Variants in DSCAML1 observed in about 807,000 individuals in gnomAD.
The protein encoded by DSCAML1 is DS cell adhesion molecule like 1.
DSCAML1 carries 38 observed loss-of-function variants against 200.5 expected under a neutral mutation model. The ratio of observed to expected loss-of-function variants is 0.19; its 90% CI spans 0.15 to 0.25. The LOEUF (loss-of-function observed/expected upper bound fraction) is 0.25. Among genes scored for constraint, DSCAML1 ranks in the 10% least tolerant of loss-of-function variants. The pLI is 1.00. For synonymous variants in DSCAML1, 1,215 were observed against 1,165.0 expected (o/e 1.04, Z -0.87); for missense variants, 2,223 against 2,858.8 (o/e 0.78, Z 5.07).
intron 3 of DSCAML1, among the ~76,000 whole-genome samples, chr11:117,645,086 G>GC (rs1330347509): frequency 6.6e-6 from 1 of 152,220 alleles, no homozygotes; most frequent in East Asian, 1.9e-4. Flanking sequence ...GCTTGAGAGA[G>GC]CCCCCACAGT....
At position 117,437,666 on chromosome 11, in the gene DSCAML1, G is replaced by A. The variant is rs573955470; in HGVS notation, c.4432+229C>T. ...GGAAGGGAGCTGGGAAGAGGCAAAGGAATGCCACCTTCGGCCACCCGGTGG... is the reference window on the plus strand; with the variant it reads ...GGAAGGGAGCTGGGAAGAGGCAAAGAAATGCCACCTTCGGCCACCCGGTGG... On this transcript the variant is annotated intron_variant, in intron 25 of 32. Coordinates refer to ENST00000651296, the MANE Select transcript of DSCAML1 (RefSeq NM_020693.4). This position sits in a 1 kb window ranked among gnomAD's most constrained non-coding sequence, Gnocchi z 5.3. Among the ~76,000 whole-genome samples the A allele has an allele frequency of 6.6e-6, 1 of 152,276 alleles. No homozygotes were observed.
chr11:117,811,037 T>G (rs1244725435), intron 1 of DSCAML1, among the ~76,000 whole-genome samples: 1 of 152,046 alleles, frequency 6.6e-6, no homozygotes, highest in Non-Finnish European at 1.5e-5. Flanking sequence ...TTTTATCGCC[T>G]CTCCTCCTCA....
rs1322469956 is a variant in DSCAML1 at position 117,431,640 on chromosome 11, G to A, written c.5268C>T (p.Ser1756=). 3.1e-6 allele frequency: 5 copies of A among 1,613,448 alleles called. No homozygotes were observed. The highest frequency in any genetic ancestry group is 3.3e-5 in the Admixed American group (2 of 59,970). ...CGGAGGTGAGGGTGCGGGCAGGTGT[G>A]GAGGCCTGGCACTTGGTCAGGGTCC... ...SQWTLTKCQA[S]TPARTLTSDW... The change falls in exon 31 of 33, where the codon TCC becomes TCT. Residue 1756 remains serine (S), a synonymous_variant. Transcript: ENST00000651296.
chr11:117,782,907 C>T (rs1565283032), intron 1 of DSCAML1, among the ~76,000 whole-genome samples: 1 of 151,938 alleles, frequency 6.6e-6, no homozygotes, highest in Non-Finnish European at 1.5e-5. Flanking sequence ...TTACCCAAGA[C>T]CACAAAACCA....
At position 117,489,575 on chromosome 11, in the gene DSCAML1, G is replaced by T. The variant is rs1478904396; in HGVS notation, c.2360-7413C>A. Among the ~76,000 whole-genome samples the T allele has an allele frequency of 6.6e-6, 1 of 152,156 alleles. No individual in the cohort carries two copies. The highest frequency in any genetic ancestry group is 2.4e-5 in the African/African-American group (1 of 41,430). ...TTCCTATACAGCAGCTTTAGGTGGG[G>T]TAGGGTCTTCTCTCTGAGACCCTGG... On this transcript the variant is annotated intron_variant, in intron 11 of 32. Transcript: ENST00000651296. This position sits in a 1 kb window ranked among gnomAD's most constrained non-coding sequence, Gnocchi z 4.8.
chr11:117,774,456 C>A (rs2055094916), intron 3 of DSCAML1, among the ~76,000 whole-genome samples: 1 of 152,180 alleles, frequency 6.6e-6, no homozygotes, highest in African/African-American at 2.4e-5. Context: ...TATATTGATT[C>A]ATTTCATTCT....
intron 4 of DSCAML1, among the ~76,000 whole-genome samples, chr11:117,530,916 A>G (rs1326502813): frequency 3.9e-5 from 6 of 152,128 alleles, no homozygotes; most frequent in Non-Finnish European, 8.8e-5. Context: ...CTCCAATCTC[A>G]AGACAGAGAT....
chr11:117,574,197 G>T (rs1314770997), intron 3 of DSCAML1, among the ~76,000 whole-genome samples: 2 of 152,206 alleles, frequency 1.3e-5, no homozygotes, highest in African/African-American at 2.4e-5. Context: ...GAACAAATGG[G>T]TGCCACATTT....
chr11:117,537,938 T>C (rs1164868462), intron 3 of DSCAML1, among the ~76,000 whole-genome samples: 1 of 152,164 alleles, frequency 6.6e-6, no homozygotes, highest in Non-Finnish European at 1.5e-5. Context: ...CAGTTTGCAG[T>C]GATTTCTCAT....
intron 1 of DSCAML1, among the ~76,000 whole-genome samples, chr11:117,795,526 G>T (rs1423359046): frequency 6.6e-6 from 1 of 152,012 alleles, no homozygotes. Context: ...CGATGCGGGG[G>T]GCAAGGGGTT....
In DSCAML1 at chr11:117,794,864, C is replaced by T. The variant is rs191070766; in HGVS notation, c.46+2170G>A. 6.5e-3 allele frequency among the ~76,000 whole-genome samples: 990 copies of T among 152,248 alleles called. 5 individuals are homozygous for T. The highest frequency in any genetic ancestry group is 1.0e-2 in the Non-Finnish European group (680 of 68,028). On this transcript the variant is annotated intron_variant, in intron 1 of 32. Transcript: ENST00000651296. ...AAGCCTGTCTGGCGAGGCACCCTGG[C>T]GCCCAACAGACAGACGCTGGAGCCT... is the stretch of plus-strand genomic sequence containing the variant.
intron 3 of DSCAML1, among the ~76,000 whole-genome samples, chr11:117,595,249 G>A (rs980168716): frequency 2.0e-5 from 3 of 152,124 alleles, no homozygotes; most frequent in Admixed American, 1.3e-4. Context: ...CACTGTCTCT[G>A]GGGGGCTTTT....
intron 4 of DSCAML1, among the ~76,000 whole-genome samples, chr11:117,531,840 C>T (rs1464430446): frequency 6.6e-6 from 1 of 151,062 alleles, no homozygotes; most frequent in Non-Finnish European, 1.5e-5. Context: ...TAGCCAAGAT[C>T]ATGCCATTGC....
chr11:117,606,009 G>A (rs932186807), intron 3 of DSCAML1, among the ~76,000 whole-genome samples: 3 of 152,120 alleles, frequency 2.0e-5, no homozygotes, highest in African/African-American at 7.2e-5. Context: ...CCTTTCCACT[G>A]TCTACTCTCA....
chr11:117,535,909 G>A (rs1377391167), intron 3 of DSCAML1, among the ~76,000 whole-genome samples: 1 of 108,354 alleles, frequency 9.2e-6, no homozygotes, highest in African/African-American at 3.6e-5. Context: ...GGTGGGGGGT[G>A]GGGGGCTGAT....
intron 3 of DSCAML1, among the ~76,000 whole-genome samples, chr11:117,622,605 A>AG: frequency 6.6e-6 from 1 of 152,152 alleles, no homozygotes; most frequent in Non-Finnish European, 1.5e-5. Context: ...TCCTGGAGGA[A>AG]GGGGGCTGTT....
At chr11:117,664,242 C>T (rs1001862021) in intron 3 of DSCAML1, among the ~76,000 whole-genome samples, 3 of 152,240 alleles carry the variant, frequency 2.0e-5, no homozygotes, top group Non-Finnish European at 2.9e-5. Context: ...GGCGAGGGGC[C>T]GTGGTAGGCA....
chr11:117,587,547 C>T (rs966478115), intron 3 of DSCAML1, among the ~76,000 whole-genome samples: 5 of 152,112 alleles, frequency 3.3e-5, no homozygotes, highest in Non-Finnish European at 7.4e-5. Flanking sequence ...ACTCCAGACG[C>T]GGGGACTGCC....
intron 3 of DSCAML1, among the ~76,000 whole-genome samples, chr11:117,744,035 G>A (rs560713220): frequency 7.2e-5 from 11 of 152,310 alleles, no homozygotes; most frequent in South Asian, 4.1e-4. Context: ...GGGGTGATGC[G>A]AGAACAGCAC....
Sources: gnomAD v4.1 joint callset for allele counts (sites outside exome capture counted in the v4.1 genomes callset) on GRCh38, gnomAD v4.1.1 for gene constraint, Gnocchi (gnomAD v3.1) non-coding constraint, MANE v1.5 for transcripts, NCBI Gene and HGNC (gene_info 2026-07-23, HGNC 2026-07-21) for gene names.